The following PLCXD3 variants were observed in gnomAD, a reference collection of about 807,000 sequenced individuals.
PLCXD3 encodes phosphatidylinositol specific phospholipase C X domain containing 3, also known as PI-PLC X domain-containing protein 3.
PLCXD3 carries 19 observed loss-of-function variants against 25.5 expected under a neutral mutation model. That is an observed-to-expected ratio of 0.75 (90% CI 0.52 to 1.09). The LOEUF (loss-of-function observed/expected upper bound fraction) is 1.09, where lower values mean the gene tolerates loss of function less well. Among genes scored for constraint, PLCXD3 ranks in the 50% least tolerant of loss-of-function variants. PLCXD3 has a pLI of 0.00. For synonymous variants in PLCXD3, 174 were observed against 137.6 expected (o/e 1.26, Z -1.85); for missense variants, 411 against 388.1 (o/e 1.06, Z -0.50).
intron 1 of PLCXD3, among the ~76,000 whole-genome samples, chr5:41,457,510 T>C (rs1363536352): frequency 1.3e-5 from 2 of 151,890 alleles, no homozygotes; most frequent in Non-Finnish European, 2.9e-5. Flanking sequence ...CAGCATAACC[T>C]GCATGTAGAT....
chr5:41,503,989 G>C, intron 1 of PLCXD3, among the ~76,000 whole-genome samples: 1 of 147,326 alleles, frequency 6.8e-6, no homozygotes, highest in Non-Finnish European at 1.5e-5. Context: ...GTGTGCACTT[G>C]TGTGTGTGTG....
chr5:41,328,432 C>T (rs1162940626), intron 2 of PLCXD3, among the ~76,000 whole-genome samples: 1 of 152,152 alleles, frequency 6.6e-6, no homozygotes, highest in Non-Finnish European at 1.5e-5. Context: ...ATAATAACGT[C>T]CTGGTGCTGT....
At chr5:41,443,502 T>C (rs1009637987) in intron 1 of PLCXD3, among the ~76,000 whole-genome samples, 1 of 152,204 alleles carries the variant, frequency 6.6e-6, no homozygotes, top group Non-Finnish European at 1.5e-5. Flanking sequence ...TGAAATAACA[T>C]GTTATTATTG....
intron 1 of PLCXD3, among the ~76,000 whole-genome samples, chr5:41,446,156 G>A (rs972086437): frequency 3.9e-4 from 44 of 112,964 alleles, no homozygotes; most frequent in Admixed American, 3.6e-3. Flanking sequence ...CAGTCTGGGC[G>A]ACGGAGCCAG....
intron 1 of PLCXD3, among the ~76,000 whole-genome samples, chr5:41,399,553 A>G (rs1284640817): frequency 6.6e-6 from 1 of 152,056 alleles, no homozygotes; most frequent in African/African-American, 2.4e-5. Flanking sequence ...CTCCCACATT[A>G]AACTCAGTTT....
chr5:41,421,382 G>T (rs987575003), intron 1 of PLCXD3, among the ~76,000 whole-genome samples: 1 of 152,064 alleles, frequency 6.6e-6, no homozygotes, highest in Non-Finnish European at 1.5e-5. Context: ...GTATTATTCC[G>T]TTAGATGTTT....
At chr5:41,457,544 T>C (rs1026109231) in intron 1 of PLCXD3, among the ~76,000 whole-genome samples, 1 of 151,928 alleles carries the variant, frequency 6.6e-6, no homozygotes, top group Non-Finnish European at 1.5e-5. Flanking sequence ...CTGAGGGACA[T>C]GTACCTGTGA....
intron 2 of PLCXD3, among the ~76,000 whole-genome samples, chr5:41,315,012 G>T (rs1278567642): frequency 6.6e-6 from 1 of 152,158 alleles, no homozygotes; most frequent in Non-Finnish European, 1.5e-5. Context: ...AGGTGAGAAT[G>T]GTAGATGGAG....
intron 1 of PLCXD3, among the ~76,000 whole-genome samples, chr5:41,454,150 A>C (rs955764221): frequency 3.9e-5 from 6 of 151,978 alleles, no homozygotes; most frequent in African/African-American, 1.4e-4. Flanking sequence ...TCACAACCTC[A>C]GAATGTTATC....
intron 1 of PLCXD3, among the ~76,000 whole-genome samples, chr5:41,486,657 C>T (rs1477750885): frequency 6.6e-6 from 1 of 152,150 alleles, no homozygotes; most frequent in Non-Finnish European, 1.5e-5. Context: ...GAGAAAAAGG[C>T]AGTCCCTACC....
At chr5:41,436,560 G>A (rs1436937887) in intron 1 of PLCXD3, among the ~76,000 whole-genome samples, 1 of 152,046 alleles carries the variant, frequency 6.6e-6, no homozygotes. Flanking sequence ...CTTTGTAATG[G>A]CATTAGCAGG....
chr5:41,505,417 T>C (rs1749033916), intron 1 of PLCXD3, among the ~76,000 whole-genome samples: 2 of 152,016 alleles, frequency 1.3e-5, no homozygotes, highest in African/African-American at 2.4e-5. Flanking sequence ...ATTTACTGTT[T>C]ACCTTTGATG....
At chr5:41,327,094 A>G (rs1187680845) in intron 2 of PLCXD3, among the ~76,000 whole-genome samples, 2 of 152,316 alleles carry the variant, frequency 1.3e-5, no homozygotes, top group East Asian at 3.9e-4. Flanking sequence ...GAACTTGGTC[A>G]TGCCTAGGCC....
intron 1 of PLCXD3, among the ~76,000 whole-genome samples, chr5:41,481,094 C>G (rs925831703): frequency 1.0e-5 from 1 of 98,212 alleles, no homozygotes; most frequent in African/African-American, 4.4e-5. Context: ...TAATGAAGAC[C>G]TAATTTGTAA....
intron 1 of PLCXD3, among the ~76,000 whole-genome samples, chr5:41,474,172 A>T (rs929021711): frequency 1.6e-4 from 25 of 152,208 alleles, no homozygotes; most frequent in African/African-American, 5.8e-4. Flanking sequence ...TAGTGAGCAA[A>T]GGCAGCCCCT....
intron 1 of PLCXD3, among the ~76,000 whole-genome samples, chr5:41,467,904 T>C (rs1332618960): frequency 1.3e-5 from 2 of 152,102 alleles, no homozygotes; most frequent in African/African-American, 4.8e-5. Flanking sequence ...TCTATTGTGT[T>C]CCATGGGTTG....
chr5:41,385,413 G>C (rs1275573417), intron 1 of PLCXD3, among the ~76,000 whole-genome samples: 1 of 151,980 alleles, frequency 6.6e-6, no homozygotes, highest in Non-Finnish European at 1.5e-5. Flanking sequence ...CTCAGACAAG[G>C]GCTAACCACT....
At chr5:41,340,642 C>T (rs765666224) in intron 2 of PLCXD3, among the ~76,000 whole-genome samples, 2 of 152,084 alleles carry the variant, frequency 1.3e-5, no homozygotes, top group Non-Finnish European at 2.9e-5. Flanking sequence ...AGGGACAGGC[C>T]AAGGCAAGGA....
At chr5:41,377,079 T>G (rs919594633) in intron 2 of PLCXD3, among the ~76,000 whole-genome samples, 3 of 152,124 alleles carry the variant, frequency 2.0e-5, no homozygotes, top group African/African-American at 7.2e-5. Flanking sequence ...GGCATTTAAA[T>G]GTTTGCTTTT....
Sources: gnomAD v4.1 joint callset for allele counts (sites outside exome capture counted in the v4.1 genomes callset) on GRCh38, gnomAD v4.1.1 for gene constraint, MANE v1.5 for transcripts, NCBI Gene and HGNC (gene_info 2026-07-23, HGNC 2026-07-21) for gene names.